The following NEDD4 variants were observed in gnomAD, a reference collection of about 807,000 sequenced individuals.
The protein encoded by NEDD4 is E3 ubiquitin-protein ligase NEDD4.
A neutral mutation model predicts 144.9 loss-of-function variants in NEDD4; 99 were observed. The ratio of observed to expected loss-of-function variants is 0.68; its 90% CI spans 0.58 to 0.81. NEDD4 has a LOEUF of 0.81. Ranked by LOEUF, NEDD4 falls within the 30% of genes least tolerant of loss-of-function variation. The pLI, the probability that NEDD4 is intolerant of heterozygous loss-of-function variation, is 0.00. For missense variants in NEDD4, 985 were observed against 1,065.9 expected, an observed-to-expected ratio of 0.92 and a Z score of 1.06; for synonymous variants, 318 against 350.6, an observed-to-expected ratio of 0.91 and a Z score of 1.04.
At chr15:55,957,129 T>C (rs779981198) in intron 2 of NEDD4, among the ~76,000 whole-genome samples, 6 of 152,238 alleles carry the variant, frequency 3.9e-5, no homozygotes, top group Admixed American at 2.6e-4. Context: ...TTTTGGGTTA[T>C]ACAAACACTG....
intron 5 of NEDD4, among the ~76,000 whole-genome samples, chr15:55,898,840 C>G (rs1271760577): frequency 1.3e-5 from 2 of 152,058 alleles, no homozygotes; most frequent in Non-Finnish European, 2.9e-5. Flanking sequence ...AGGGGTCTCA[C>G]TCTGTTGCCC....
chr15:55,869,707 T>A, intron 7 of NEDD4, 26 bp from the exon 8 acceptor site: 1 of 1,381,648 alleles, frequency 7.2e-7, no homozygotes, highest in Non-Finnish European at 1.0e-6. Context: ...TAAATATTCA[T>A]AAAACTTTAA....
rs185535833 is a variant in NEDD4, at chr15:55,833,101, C to T, written c.2434G>A (p.Val812Ile). 7.5e-6 allele frequency: 12 copies of T among 1,605,044 alleles called. No homozygotes were observed. The African/African-American group carries it at 1.1e-4, about 14-fold the overall frequency. ...HQVIQWFWKA[V>I]LMMDSEKRIR... ...CTTTTTTCTGAATCCATCATTAAAA[C>T]AGCCTGAATAAGATAAAAACATCAT... The change falls in exon 27 of 29, where the codon GTT (valine) becomes ATT (isoleucine). Residue 812 changes from valine to isoleucine, a missense_variant. Transcript: ENST00000435532.
chr15:55,935,740 G>A (rs927564399), intron 4 of NEDD4, among the ~76,000 whole-genome samples: 7 of 151,540 alleles, frequency 4.6e-5, no homozygotes, highest in Admixed American at 2.0e-4. Flanking sequence ...CCAGCTACTC[G>A]GGAGGCTGCG....
intron 7 of NEDD4, among the ~76,000 whole-genome samples, chr15:55,871,183 G>A (rs557910125): frequency 6.6e-6 from 1 of 152,326 alleles, no homozygotes; most frequent in African/African-American, 2.4e-5. Flanking sequence ...TGAAGGAGAT[G>A]TGAACATTCT....
intron 4 of NEDD4, among the ~76,000 whole-genome samples, chr15:55,944,572 A>G (rs1332158291): frequency 1.3e-5 from 2 of 152,236 alleles, no homozygotes; most frequent in East Asian, 3.9e-4. Flanking sequence ...ATAGCTGAAC[A>G]AAATGCAGCA....
chr15:55,979,336 CCTCTT>C (rs1432249193), intron 1 of NEDD4, among the ~76,000 whole-genome samples: 26 of 76,334 alleles, frequency 3.4e-4, no homozygotes, highest in East Asian at 1.0e-3. Context: ...AAAGTTTTTA[CCTCTT>C]TTTTTTTTTT....
intron 2 of NEDD4, among the ~76,000 whole-genome samples, chr15:55,953,388 G>T (rs1265203131): frequency 6.6e-6 from 1 of 151,716 alleles, no homozygotes; most frequent in East Asian, 1.9e-4. Context: ...GGACAGCCAG[G>T]ATTGAAACTC....
At chr15:55,983,756 A>G (rs191785176) in intron 1 of NEDD4, among the ~76,000 whole-genome samples, 1 of 151,996 alleles carries the variant, frequency 6.6e-6, no homozygotes, top group Admixed American at 6.6e-5. Context: ...GACTACAGGT[A>G]TATGCTACCA....
chr15:55,914,976 T>C (rs1241203102), intron 5 of NEDD4, among the ~76,000 whole-genome samples: 1 of 152,060 alleles, frequency 6.6e-6, no homozygotes, highest in East Asian at 1.9e-4. Context: ...TGTTATGAAA[T>C]AGACTGTTAT....
intron 1 of NEDD4, among the ~76,000 whole-genome samples, chr15:55,975,051 C>A (rs1226727940): frequency 6.6e-6 from 1 of 151,684 alleles, no homozygotes; most frequent in Non-Finnish European, 1.5e-5. Context: ...CGATACCACA[C>A]CCGGGTAATT....
At chr15:55,920,173 T>C (rs545229822) in intron 5 of NEDD4, among the ~76,000 whole-genome samples, 1 of 119,238 alleles carries the variant, frequency 8.4e-6, no homozygotes, top group South Asian at 2.8e-4. Flanking sequence ...CTTCACTATA[T>C]ATATATTGTG....
At chr15:55,862,404 A>G (rs2034441550) in intron 9 of NEDD4, among the ~76,000 whole-genome samples, 1 of 152,196 alleles carries the variant, frequency 6.6e-6, no homozygotes, top group Admixed American at 6.5e-5. Context: ...AGAAGTTAGA[A>G]TATGTTGAAA....
chr15:55,859,929 A>G (rs558655949), intron 11 of NEDD4, among the ~76,000 whole-genome samples: 1 of 152,190 alleles, frequency 6.6e-6, no homozygotes, highest in Non-Finnish European at 1.5e-5. Flanking sequence ...TTTGCTAATC[A>G]TAGCTTTAGC....
chr15:55,929,233 C>T (rs944658896), intron 4 of NEDD4, among the ~76,000 whole-genome samples: 9 of 152,268 alleles, frequency 5.9e-5, no homozygotes, highest in South Asian at 2.1e-4. Flanking sequence ...CACACATGCA[C>T]GAGCACGCAC....
intron 5 of NEDD4, among the ~76,000 whole-genome samples, chr15:55,921,071 G>A (rs1259561259): frequency 2.6e-5 from 4 of 152,108 alleles, no homozygotes; most frequent in African/African-American, 9.7e-5. Context: ...TTAAGTCTAC[G>A]AATGTTAAAT....
chr15:55,881,615 T>G (rs1284655518), intron 5 of NEDD4, among the ~76,000 whole-genome samples: 2 of 152,186 alleles, frequency 1.3e-5, no homozygotes, highest in Non-Finnish European at 2.9e-5. Flanking sequence ...TAACTTAGGT[T>G]TAGGCTTAAT....
intron 7 of NEDD4, among the ~76,000 whole-genome samples, chr15:55,870,526 CTTCTTTT>C (rs1338490743): frequency 4.3e-4 from 42 of 96,988 alleles, no homozygotes; most frequent in African/African-American, 1.5e-3. Context: ...TCTTCTTCTT[CTTCTTTT>C]TTTTTTTTTT....
intron 5 of NEDD4, among the ~76,000 whole-genome samples, chr15:55,922,024 A>G (rs2036577632): frequency 6.6e-6 from 1 of 152,240 alleles, no homozygotes; most frequent in South Asian, 2.1e-4. Context: ...TCACATCGGT[A>G]TCAGTGGCAA....
Sources: gnomAD v4.1 joint callset for allele counts (sites outside exome capture counted in the v4.1 genomes callset) on GRCh38, gnomAD v4.1.1 for gene constraint, MANE v1.5 for transcripts, NCBI Gene and HGNC (gene_info 2026-07-23, HGNC 2026-07-21) for gene names.